Variants in LARGE1 observed in about 807,000 individuals in gnomAD.
LARGE1 encodes xylosyl- and glucuronyltransferase LARGE1.
LARGE1 carries 43 observed loss-of-function variants against 87.6 expected under a neutral mutation model. That is an observed-to-expected ratio of 0.49 (90% confidence interval 0.38 to 0.63). The LOEUF is 0.63. LARGE1 is among the 30% of genes least tolerant of loss of function. LARGE1 has a pLI of 0.00. For synonymous variants in LARGE1, 434 were observed against 394.6 expected (o/e 1.10, Z -1.18); for missense variants, 802 against 1,000.2 (o/e 0.80, Z 2.67).
chr22:33,332,286 G>C (rs906633633), intron 10 of LARGE1, among the ~76,000 whole-genome samples: 31 of 152,122 alleles, frequency 2.0e-4, no homozygotes, highest in Non-Finnish European at 4.3e-4. Flanking sequence ...GAGATCTGAT[G>C]GTTTTATAAG....
chr22:33,853,751 A>T (rs148168978), intron 1 of LARGE1, among the ~76,000 whole-genome samples: 2 of 152,372 alleles, frequency 1.3e-5, no homozygotes, highest in East Asian at 3.9e-4. Flanking sequence ...CACGTCCACA[A>T]GGATATGTCT....
intron 5 of LARGE1, among the ~76,000 whole-genome samples, chr22:33,589,794 T>C (rs1471258213): frequency 6.6e-6 from 1 of 152,214 alleles, no homozygotes; most frequent in Admixed American, 6.5e-5. Context: ...AAACAGACTA[T>C]AATTTTAGTT....
At chr22:33,719,354 G>T (rs1354330033) in intron 2 of LARGE1, among the ~76,000 whole-genome samples, 1 of 152,100 alleles carries the variant, frequency 6.6e-6, no homozygotes, top group Non-Finnish European at 1.5e-5. Flanking sequence ...GCAGTGTTTA[G>T]AAAGTCTACG....
chr22:33,703,500 A>T (rs900029991), intron 2 of LARGE1, among the ~76,000 whole-genome samples: 2 of 152,242 alleles, frequency 1.3e-5, no homozygotes, highest in Admixed American at 1.3e-4. Flanking sequence ...TGTAGGTATG[A>T]TTAAAGACCT....
At chr22:33,292,901 G>A (rs1456807082) in intron 12 of LARGE1, among the ~76,000 whole-genome samples, 2 of 152,118 alleles carry the variant, frequency 1.3e-5, no homozygotes, top group Non-Finnish European at 2.9e-5. Flanking sequence ...AATAATAAAT[G>A]CTTTATGGAC....
chr22:33,795,531 A>T (rs2085951444), intron 1 of LARGE1, among the ~76,000 whole-genome samples: 1 of 152,184 alleles, frequency 6.6e-6, no homozygotes, highest in Non-Finnish European at 1.5e-5. Flanking sequence ...AAGGACTATA[A>T]ATCATGCTGC....
Position 33,903,499 on chromosome 22 carries a change from C to T in LARGE1, c.-83+16496G>A, listed in dbSNP as rs1474923517. 3.3e-5 allele frequency among the ~76,000 whole-genome samples: 5 copies of T among 151,720 alleles called. No individual in the cohort carries two copies. In the South Asian group the frequency reaches 8.3e-4, roughly 25 times the overall value. On this transcript the variant is annotated intron_variant, in intron 1 of 14. Coordinates refer to ENST00000397394, the MANE Select transcript of LARGE1 (RefSeq NM_133642.5). Reference sequence around the variant, plus strand: ...GTTAAAAAAAAAAAGAATGGCAAAACACATTGTCAGAGATTCTTCACCGTG... The same window carrying T: ...GTTAAAAAAAAAAAGAATGGCAAAATACATTGTCAGAGATTCTTCACCGTG...
chr22:33,889,670 A>G (rs1170247366), intron 1 of LARGE1, among the ~76,000 whole-genome samples: 1 of 152,156 alleles, frequency 6.6e-6, no homozygotes. Flanking sequence ...GACAGGAAAC[A>G]AAGGAGATGC....
chr22:33,442,516 C>T (rs2067515402), intron 6 of LARGE1, among the ~76,000 whole-genome samples: 1 of 152,122 alleles, frequency 6.6e-6, no homozygotes, highest in Non-Finnish European at 1.5e-5. Context: ...AGGGGGTGGT[C>T]ACCTACCAGG....
At chr22:33,562,676 A>T (rs1030748362) in intron 6 of LARGE1, among the ~76,000 whole-genome samples, 2 of 152,190 alleles carry the variant, frequency 1.3e-5, no homozygotes, top group Admixed American at 6.5e-5. Context: ...TCCACGGATG[A>T]TATCAGCGTA....
chr22:33,225,985 A>T (rs944447260), intron 11 of LARGE1, among the ~76,000 whole-genome samples: 7 of 152,148 alleles, frequency 4.6e-5, no homozygotes, highest in Admixed American at 6.5e-5. Context: ...GGTTGATTTC[A>T]TGTCTTCACT....
At chr22:33,349,948 T>C (rs1044903296) in intron 9 of LARGE1, among the ~76,000 whole-genome samples, 1 of 152,210 alleles carries the variant, frequency 6.6e-6, no homozygotes, top group African/African-American at 2.4e-5. Flanking sequence ...GTCCTCTCAC[T>C]TGGAAAATGT....
chr22:33,854,212 GAAAAAAAAAAAAAAA>G (rs67771177), intron 1 of LARGE1, among the ~76,000 whole-genome samples: 6 of 72,692 alleles, frequency 8.3e-5, no homozygotes, highest in South Asian at 5.4e-4. Context: ...CACTTAAGGG[GAAAAAAAAAAAAAAA>G]AAAAAAAAAA....
At chr22:33,443,634 T>A (rs1297007479) in intron 6 of LARGE1, among the ~76,000 whole-genome samples, 1 of 152,246 alleles carries the variant, frequency 6.6e-6, no homozygotes, top group Admixed American at 6.5e-5. Flanking sequence ...AAGGTCCAGA[T>A]AATGATTTCT....
chr22:33,856,815 C>T (rs1437203442), intron 1 of LARGE1: 1 of 152,212 alleles, frequency 6.6e-6, no homozygotes, highest in Non-Finnish European at 1.5e-5. Flanking sequence ...GAAAAATAGA[C>T]AAGGCCCCTT....
intron 12 of LARGE1, among the ~76,000 whole-genome samples, chr22:33,287,437 A>G (rs981265064): frequency 2.0e-5 from 3 of 152,214 alleles, no homozygotes; most frequent in African/African-American, 7.2e-5. Context: ...ACAAAGATGG[A>G]TCTGTCACCA....
chr22:33,735,324 A>G (rs966254493), intron 2 of LARGE1, among the ~76,000 whole-genome samples: 2 of 152,194 alleles, frequency 1.3e-5, no homozygotes, highest in Admixed American at 6.5e-5. Flanking sequence ...TGAAGATGCA[A>G]TATAAGCTGG....
chr22:33,281,690 G>T (rs905711960), intron 13 of LARGE1, among the ~76,000 whole-genome samples: 4 of 152,248 alleles, frequency 2.6e-5, no homozygotes, highest in South Asian at 4.2e-4. Flanking sequence ...TTGGGTGGGG[G>T]GTTACTAACT....
intron 1 of LARGE1, among the ~76,000 whole-genome samples, chr22:33,827,762 G>A (rs747667685): frequency 1.3e-5 from 2 of 152,112 alleles, no homozygotes; most frequent in South Asian, 2.1e-4. Flanking sequence ...CTACTTCAGC[G>A]GTTCCCAAAC....
Sources: allele counts gnomAD v4.1 joint callset (sites outside exome capture counted in the v4.1 genomes callset), GRCh38; gene constraint gnomAD v4.1.1; transcripts MANE v1.5; gene names NCBI Gene and HGNC (gene_info 2026-07-23, HGNC 2026-07-21).